ORC4: variants seen among roughly 807,000 people sequenced by gnomAD.
The protein encoded by ORC4 is origin recognition complex, subunit 4 homolog.
Under a neutral mutation model 63.9 loss-of-function variants are expected in ORC4, and 55 were observed. The ratio of observed to expected loss-of-function variants is 0.86; its 90% CI spans 0.69 to 1.08. The LOEUF (loss-of-function observed/expected upper bound fraction) is 1.08, where lower values mean the gene tolerates loss of function less well. ORC4 is among the 50% of genes least tolerant of loss of function. ORC4 has a pLI of 0.00. For synonymous variants in ORC4, 150 were observed against 168.5 expected (o/e 0.89, Z 0.85); for missense variants, 511 against 504.4 (o/e 1.01, Z -0.13).
chr2:148,014,605 G>C (rs544869417), intron 1 of ORC4, among the ~76,000 whole-genome samples: 1 of 151,968 alleles, frequency 6.6e-6, no homozygotes, highest in Non-Finnish European at 1.5e-5. Context: ...AACAACAAAT[G>C]AACTATGAAT....
chr2:147,973,283 C>T (rs968377381), intron 3 of ORC4, among the ~76,000 whole-genome samples, 165 bp downstream of exon 3: 1 of 152,150 alleles, frequency 6.6e-6, no homozygotes, highest in Non-Finnish European at 1.5e-5. Flanking sequence ...TGTATCTGCT[C>T]CTGCTTCATG....
intron 1 of ORC4, among the ~76,000 whole-genome samples, chr2:147,981,772 C>T (rs146956152): frequency 8.5e-4 from 129 of 152,004 alleles, no homozygotes; most frequent in African/African-American, 2.9e-3. Flanking sequence ...ATGATTTGAA[C>T]CCAAATAAGT....
In ORC4 at chr2:147,976,659, G is replaced by C. The variant is rs531745820; in HGVS notation, c.-17-684C>G. On this transcript the variant is annotated intron_variant, in intron 1 of 13. Coordinates refer to ENST00000392857, the MANE Select transcript of ORC4 (RefSeq NM_181741.4). The stretch of plus-strand genomic sequence containing the variant: ...CCTTATAGAAAACCTTCCCTTTCTT[G>C]CTCCACTCACCAACAATACACAAAT... Among the ~76,000 whole-genome samples, 3 of 151,726 alleles carry C rather than the reference G, an allele frequency of 2.0e-5. No homozygotes were observed. The East Asian group carries it at 5.8e-4, about 29-fold the overall frequency.
At chr2:147,995,999 CAA>C (rs1258215563) in intron 1 of ORC4, among the ~76,000 whole-genome samples, 6 of 121,018 alleles carry the variant, frequency 5.0e-5, no homozygotes, top group Admixed American at 8.4e-5. Context: ...GACTCCATCT[CAA>C]AAAAAAAAAA....
chr2:147,998,478 C>T (rs558016144), intron 1 of ORC4, among the ~76,000 whole-genome samples: 4 of 152,302 alleles, frequency 2.6e-5, no homozygotes, highest in Admixed American at 2.6e-4. Flanking sequence ...GGCTTAGTTC[C>T]TTCCCACAAG....
intron 1 of ORC4, among the ~76,000 whole-genome samples, chr2:147,978,077 G>T (rs1411043960): frequency 6.6e-6 from 1 of 152,204 alleles, no homozygotes; most frequent in East Asian, 1.9e-4. Flanking sequence ...CAGGTGGCCT[G>T]TTTGCAGGGC....
At chr2:147,957,284 T>A in intron 6 of ORC4, among the ~76,000 whole-genome samples, 1 of 148,776 alleles carries the variant, frequency 6.7e-6, no homozygotes, top group East Asian at 1.9e-4. Context: ...TTAATAATTT[T>A]ATAGATTGAT....
chr2:147,949,087 G>A (rs1423984339), intron 8 of ORC4, among the ~76,000 whole-genome samples: 2 of 125,550 alleles, frequency 1.6e-5, no homozygotes, highest in African/African-American at 5.8e-5. Flanking sequence ...TATTACTTAA[G>A]TTACACTCCA....
At chr2:147,991,944 A>T (rs1056559347) in intron 1 of ORC4, among the ~76,000 whole-genome samples, 10 of 152,346 alleles carry the variant, frequency 6.6e-5, no homozygotes, top group African/African-American at 2.4e-4. Flanking sequence ...AATAAAAAAG[A>T]AATACTAGTT....
chr2:148,002,211 G>A (rs1692357504), intron 1 of ORC4, among the ~76,000 whole-genome samples: 1 of 152,118 alleles, frequency 6.6e-6, no homozygotes, highest in South Asian at 2.1e-4. Context: ...CAACAAGACA[G>A]AAAATTAACA....
Position 147,938,327 on chromosome 2 carries a change from T to A in ORC4, c.1025A>T (p.Glu342Val), listed in dbSNP as rs776929970. Residue 342 changes from glutamate (E) to valine (V), a missense_variant, in exon 12 of 14, where the codon GAG becomes GTG. Transcript: ENST00000392857. ...MKHLNDIYEE[E>V]PFNFQMVYNE... is the part of the protein sequence containing the mutation. ...ATAGACCATTTGAAAATTAAATGGC[T>A]CTTCCTCATAGATGTCATTTAAATG... 3.7e-6 allele frequency: 6 copies of A among 1,607,432 alleles called. No homozygotes were observed. In the Admixed American group the frequency reaches 1.0e-4, roughly 27 times the overall value.
chr2:147,989,852 AAAAACC>A (rs1331019602), intron 1 of ORC4, among the ~76,000 whole-genome samples: 1 of 152,216 alleles, frequency 6.6e-6, no homozygotes, highest in East Asian at 1.9e-4. Flanking sequence ...CAACTCCTAC[AAAAACC>A]TTGGTAAAAT....
At chr2:148,008,813 C>T (rs1263310011) in intron 1 of ORC4, among the ~76,000 whole-genome samples, 4 of 152,124 alleles carry the variant, frequency 2.6e-5, no homozygotes, top group Non-Finnish European at 4.4e-5. Flanking sequence ...TCCAAATGTG[C>T]GCTCACCATT....
intron 1 of ORC4, among the ~76,000 whole-genome samples, chr2:148,001,426 T>C (rs1277633671): frequency 6.6e-6 from 1 of 152,110 alleles, no homozygotes; most frequent in Non-Finnish European, 1.5e-5. Context: ...AGGAGCCCTA[T>C]AAGCCAGAAG....
intron 13 of ORC4, chr2:147,937,159 C>T (rs970593565): frequency 2.0e-5 from 3 of 151,844 alleles, no homozygotes; most frequent in African/African-American, 7.3e-5. Context: ...AATGGCAATG[C>T]TCTGTACTCA....
At chr2:147,943,611 CCTTA>C (rs1466513996) in intron 9 of ORC4, 89 bp from the exon 10 acceptor site, 1 of 728,564 alleles carries the variant, frequency 1.4e-6, no homozygotes, top group African/African-American at 1.8e-5. Context: ...GGTTGGTGTA[CCTTA>C]GTAACTCTAT....
At chr2:147,941,889 G>A (rs924446292) in intron 10 of ORC4, among the ~76,000 whole-genome samples, 23 of 151,968 alleles carry the variant, frequency 1.5e-4, no homozygotes, top group African/African-American at 5.1e-4. Context: ...TAGAAGAAAA[G>A]TAAATAGGGA....
intron 9 of ORC4, among the ~76,000 whole-genome samples, chr2:147,945,593 T>TA (rs1439604278): frequency 6.6e-6 from 1 of 152,120 alleles, no homozygotes; most frequent in Non-Finnish European, 1.5e-5. Flanking sequence ...GGATCCCTCT[T>TA]ATACTGCCAT....
intron 1 of ORC4, among the ~76,000 whole-genome samples, chr2:148,000,780 T>C (rs530857398): frequency 2.0e-5 from 3 of 152,236 alleles, no homozygotes; most frequent in African/African-American, 7.2e-5. Flanking sequence ...AACCAGCAGA[T>C]AGTTTGGGTC....
Sources: allele counts gnomAD v4.1 joint callset (sites outside exome capture counted in the v4.1 genomes callset), GRCh38; gene constraint gnomAD v4.1.1; transcripts MANE v1.5; gene names NCBI Gene and HGNC (gene_info 2026-07-23, HGNC 2026-07-21).